Variants in FOXP1 observed in about 807,000 individuals in gnomAD.
The protein encoded by FOXP1 is forkhead box protein P1.
A neutral mutation model predicts 98.2 loss-of-function variants in FOXP1; 15 were observed. The ratio of observed to expected loss-of-function variants is 0.15; its 90% CI spans 0.10 to 0.24. FOXP1 has a LOEUF of 0.24. Ranked by LOEUF, FOXP1 falls within the 10% of genes least tolerant of loss-of-function variation. FOXP1 has a pLI of 1.00. For synonymous variants in FOXP1, 371 were observed against 314.5 expected (o/e 1.18, Z -1.90); for missense variants, 633 against 848.5 (o/e 0.75, Z 3.15).
chr3:71,363,187 T>G (rs1410582539), intron 3 of FOXP1, among the ~76,000 whole-genome samples: 1 of 152,162 alleles, frequency 6.6e-6, no homozygotes, highest in African/African-American at 2.4e-5. Context: ...ATTTTTTCAA[T>G]TTTTTATTGA....
intron 7 of FOXP1, among the ~76,000 whole-genome samples, chr3:71,074,112 G>T (rs760983238): frequency 6.6e-6 from 1 of 152,246 alleles, no homozygotes; most frequent in Non-Finnish European, 1.5e-5. Context: ...TTATGGGAAT[G>T]TGTGATGCAT....
intron 2 of FOXP1, among the ~76,000 whole-genome samples, chr3:71,549,501 G>T (rs1302684451): frequency 1.3e-5 from 2 of 152,108 alleles, no homozygotes; most frequent in African/African-American, 4.8e-5. Flanking sequence ...CAGCCTCCCA[G>T]GCAGCTGGGA....
chr3:71,465,589 C>T (rs2088624316), intron 3 of FOXP1, among the ~76,000 whole-genome samples: 2 of 152,136 alleles, frequency 1.3e-5, no homozygotes, highest in African/African-American at 2.4e-5. Flanking sequence ...TGAAACCTCA[C>T]GTTTATTCAT....
chr3:71,558,802 C>CTTTTTTTTTT (rs35405702), intron 2 of FOXP1, among the ~76,000 whole-genome samples: 12 of 117,538 alleles, frequency 1.0e-4, no homozygotes, highest in Admixed American at 1.8e-4. Flanking sequence ...CCGATTCTCA[C>CTTTTTTTTTT]TTTTTTTTTT....
rs147894121 is a variant in FOXP1, at chr3:71,138,117, T to C, written c.181-25480A>G. Reference sequence around the variant, plus strand: ...AGACACCACAAGGAACCACAACTAATGAGCTCTAGTCCTTTTTCTAATTAA... The same window carrying C: ...AGACACCACAAGGAACCACAACTAACGAGCTCTAGTCCTTTTTCTAATTAA... On this transcript the variant is annotated intron_variant, in intron 6 of 20. Transcript: ENST00000649528. 2.3e-3 allele frequency among the ~76,000 whole-genome samples: 355 copies of C among 152,314 alleles called. 3 individuals carry two copies. The highest frequency in any genetic ancestry group is 8.4e-3 in the African/African-American group (349 of 41,572).
At chr3:71,150,776 C>T (rs764921486) in intron 6 of FOXP1, among the ~76,000 whole-genome samples, 3 of 152,122 alleles carry the variant, frequency 2.0e-5, no homozygotes, top group African/African-American at 4.8e-5. Context: ...TTAGAAGTAT[C>T]GCTTGTAATA....
intron 7 of FOXP1, among the ~76,000 whole-genome samples, chr3:71,064,570 G>A (rs1004492564): frequency 6.6e-6 from 1 of 151,974 alleles, no homozygotes; most frequent in Non-Finnish European, 1.5e-5. Flanking sequence ...AGGGGGGTGG[G>A]GGGGTATCTC....
At chr3:71,343,551 T>G (rs923439484) in intron 4 of FOXP1, among the ~76,000 whole-genome samples, 1 of 112,930 alleles carries the variant, frequency 8.9e-6, no homozygotes, top group Admixed American at 1.3e-4. Flanking sequence ...AAATCTCAAT[T>G]AGATTTTTTT....
chr3:70,959,727 G>A (rs2032798751), intron 20 of FOXP1, among the ~76,000 whole-genome samples: 1 of 152,126 alleles, frequency 6.6e-6, no homozygotes, highest in South Asian at 2.1e-4. Context: ...CTCTGGACTG[G>A]TGTGGGCCTC....
intron 6 of FOXP1, among the ~76,000 whole-genome samples, chr3:71,191,681 A>G (rs2108341042): frequency 6.6e-6 from 1 of 152,356 alleles, no homozygotes; most frequent in Admixed American, 6.5e-5. Flanking sequence ...CTAACAGAGT[A>G]GAGAACTAAA....
At chr3:71,277,445 T>C (rs534540037) in intron 5 of FOXP1, among the ~76,000 whole-genome samples, 1 of 152,226 alleles carries the variant, frequency 6.6e-6, no homozygotes, top group Admixed American at 6.5e-5. Flanking sequence ...ACAATTTCTT[T>C]ATCCATTCAT....
At chr3:70,970,298 T>TGCTACAGTCGACTTTAAAAGAAGAAA (rs1445534936) in intron 19 of FOXP1, 7 of 198,646 alleles carry the variant, frequency 3.5e-5, no homozygotes, top group Non-Finnish European at 2.1e-5. Flanking sequence ...AAAGCCAAGA[T>TGCTACAGTCGACTTTAAAAGAAGAAA]GCTACAGTCG....
Position 71,245,998 on chromosome 3 carries a change from A to ACC in FOXP1, c.-11-47608_-11-47607dup, listed in dbSNP as rs55660633. 2.8e-3 allele frequency among the ~76,000 whole-genome samples: 373 copies of ACC among 132,040 alleles called. 3 individuals are homozygous for ACC. The highest frequency in any genetic ancestry group is 9.1e-3 in the African/African-American group (345 of 37,920). 86.6% of individuals were successfully genotyped at this position (132,040 alleles called of 152,430 possible). On this transcript the variant is annotated intron_variant, in intron 5 of 20. Coordinates refer to ENST00000649528, the MANE Select transcript of FOXP1 (RefSeq NM_001349338.3). ...GCCATGATCACTTAGTACGAAAACC[A>ACC]CCCCCCCCCCACCACAAAGCAGTGA...
chr3:71,207,924 C>G (rs565245401), intron 5 of FOXP1, among the ~76,000 whole-genome samples: 1 of 152,228 alleles, frequency 6.6e-6, no homozygotes, highest in Admixed American at 6.5e-5. Flanking sequence ...AGAAATGATA[C>G]AAAGCATAAA....
At chr3:71,177,757 C>T (rs2062024719) in intron 6 of FOXP1, among the ~76,000 whole-genome samples, 1 of 151,798 alleles carries the variant, frequency 6.6e-6, no homozygotes, top group Non-Finnish European at 1.5e-5. Flanking sequence ...AGAGGCTTTC[C>T]ATAAATTTTC....
At chr3:71,134,388 G>T (rs1374800851) in intron 6 of FOXP1, among the ~76,000 whole-genome samples, 1 of 152,096 alleles carries the variant, frequency 6.6e-6, no homozygotes, top group Non-Finnish European at 1.5e-5. Context: ...AAATACAGCA[G>T]CACCTCCAAG....
At chr3:70,979,316 A>AAAAAAAAAAAAAAAAAAAAAAAAAAAAG (rs1553670621) in intron 14 of FOXP1, among the ~76,000 whole-genome samples, 1 of 96,514 alleles carries the variant, frequency 1.0e-5, no homozygotes, top group Non-Finnish European at 2.0e-5. Flanking sequence ...AAAAAAAAAA[A>AAAAAAAAAAAAAAAAAAAAAAAAAAAAG]AAAAGAAAAA....
At chr3:71,368,432 T>A (rs1395551264) in intron 3 of FOXP1, among the ~76,000 whole-genome samples, 1 of 152,114 alleles carries the variant, frequency 6.6e-6, no homozygotes, top group African/African-American at 2.4e-5. Context: ...TGGCCTTAGT[T>A]GGGATTTAAA....
At chr3:71,449,023 G>A (rs188255568) in intron 3 of FOXP1, among the ~76,000 whole-genome samples, 120 of 152,232 alleles carry the variant, frequency 7.9e-4, no homozygotes, top group African/African-American at 2.7e-3. Flanking sequence ...CCCCAAACTG[G>A]TTTTTGGTTC....
Sources: allele counts gnomAD v4.1 joint callset (sites outside exome capture counted in the v4.1 genomes callset), GRCh38; gene constraint gnomAD v4.1.1; transcripts MANE v1.5; gene names NCBI Gene and HGNC (gene_info 2026-07-23, HGNC 2026-07-21).